BLK: variants seen among roughly 807,000 people sequenced by gnomAD.
BLK encodes the protein BLK proto-oncogene, Src family tyrosine kinase, also known as tyrosine-protein kinase Blk.
In BLK, 64 loss-of-function variants were observed where a neutral mutation model predicts 61.8. The observed-to-expected ratio is 1.03, with a 90% CI of 0.85 to 1.27. The LOEUF (loss-of-function observed/expected upper bound fraction) is 1.27. Ranked by LOEUF, BLK falls within the 50% of genes most tolerant of loss-of-function variation. The pLI is 0.00. For missense variants in BLK, 853 were observed against 660.5 expected, an observed-to-expected ratio of 1.29 and a Z score of -3.19; for synonymous variants, 351 against 272.0, an observed-to-expected ratio of 1.29 and a Z score of -2.86.
chr8:11,517,145 G>A (rs965076852), intron 1 of BLK, among the ~76,000 whole-genome samples: 1 of 152,178 alleles, frequency 6.6e-6, no homozygotes, highest in African/African-American at 2.4e-5. Context: ...GAAGAGGAGA[G>A]CAGGGAGGAG....
intron 1 of BLK, among the ~76,000 whole-genome samples, chr8:11,505,757 T>C (rs2280804): frequency 0.16 from 24,555 of 152,126 alleles, 2,935 homozygotes; most frequent in African/African-American, 0.34. Flanking sequence ...AAGTCTCCCA[T>C]TGAGGCCTCC....
chr8:11,553,590 GGA>G (rs1401454973), intron 6 of BLK: 7 of 209,548 alleles, frequency 3.3e-5, no homozygotes, highest in Non-Finnish European at 6.9e-5. Context: ...CCTACAAAAT[GGA>G]GAGAAAAGCC....
At chr8:11,532,325 A>G (rs1183255377) in intron 1 of BLK, among the ~76,000 whole-genome samples, 1 of 150,704 alleles carries the variant, frequency 6.6e-6, no homozygotes, top group African/African-American at 2.4e-5. Context: ...CAGGCTCCCA[A>G]GTAGCTAGGA....
In BLK at chr8:11,522,151, G is replaced by T. The variant is rs538524777; in HGVS notation, c.-1-21073G>T. 2.4e-4 allele frequency among the ~76,000 whole-genome samples: 37 copies of T among 152,016 alleles called. No individual in the cohort carries two copies. In the South Asian group the frequency reaches 4.2e-3, roughly 17 times the overall value. On this transcript the variant is annotated intron_variant, in intron 1 of 12. Transcript: ENST00000259089. ...ACATATTTTATTAGGTCCATTTCTAGGTAAATTATGTGTTTAGTTGGCATT... is the reference window on the plus strand; with the variant it reads ...ACATATTTTATTAGGTCCATTTCTATGTAAATTATGTGTTTAGTTGGCATT...
chr8:11,520,363 G>C (rs1799394737), intron 1 of BLK, among the ~76,000 whole-genome samples: 1 of 151,048 alleles, frequency 6.6e-6, no homozygotes, highest in South Asian at 2.1e-4. Context: ...TGTAGTCCCA[G>C]CTACTTGGGA....
intron 1 of BLK, among the ~76,000 whole-genome samples, chr8:11,535,291 AGAAAG>A (rs1400249053): frequency 1.4e-5 from 2 of 145,362 alleles, no homozygotes; most frequent in Admixed American, 1.4e-4. Context: ...AAAGAAAGAA[AGAAAG>A]AAAGAAAGAA....
chr8:11,508,730 C>A (rs1252972180), intron 1 of BLK, among the ~76,000 whole-genome samples: 2 of 152,226 alleles, frequency 1.3e-5, no homozygotes, highest in East Asian at 3.8e-4. Context: ...AATAAGACAG[C>A]CACTGTAGTG....
chr8:11,564,436 C>A lies in BLK; in HGVS notation c.*328C>A, dbSNP rs1233004300. On this transcript the variant is annotated 3_prime_UTR_variant, in exon 13 of 13. Coordinates refer to ENST00000259089, the MANE Select transcript of BLK (RefSeq NM_001715.3). ...TCAAGTAAGGCCCCCGTGCTGGGCA[C>A]CCCCCGTGCTGGCCGCGTCCCCGCC... 3.5e-6 allele frequency: 2 copies of A among 576,090 alleles called. No individual in the cohort carries two copies. Among genetic ancestry groups the A allele is most frequent in the Non-Finnish European group, 6.6e-6 (2 of 303,772 alleles). 35.7% of individuals were successfully genotyped at this position (576,090 alleles called of 1,614,324 possible). A position where few individuals can be genotyped will look rare whatever the true frequency, so the allele number is the denominator to read the frequency against.
At chr8:11,508,171 C>A (rs1017035180) in intron 1 of BLK, among the ~76,000 whole-genome samples, 6 of 152,220 alleles carry the variant, frequency 3.9e-5, no homozygotes, top group African/African-American at 1.4e-4. Context: ...TGCTCTGAAC[C>A]CTCCATCTGT....
intron 1 of BLK, among the ~76,000 whole-genome samples, chr8:11,523,831 A>T (rs1467467875): frequency 1.0e-5 from 1 of 97,698 alleles, no homozygotes; most frequent in Non-Finnish European, 2.0e-5. Flanking sequence ...GAGCAGATTG[A>T]CAGAGTTGTT....
chr8:11,551,504 C>G (rs1231362869), intron 6 of BLK, among the ~76,000 whole-genome samples: 1 of 152,202 alleles, frequency 6.6e-6, no homozygotes, highest in Non-Finnish European at 1.5e-5. Context: ...CATATAGCCA[C>G]ATTCTCAGGA....
chr8:11,520,206 G>A (rs575267622), intron 1 of BLK, among the ~76,000 whole-genome samples: 3 of 152,216 alleles, frequency 2.0e-5, no homozygotes, highest in South Asian at 2.1e-4. Context: ...GCCAGGCACG[G>A]TGGCTCACAA....
chr8:11,509,900 G>A (rs1427464497), intron 1 of BLK: 1 of 152,124 alleles, frequency 6.6e-6, no homozygotes, highest in Non-Finnish European at 1.5e-5. Context: ...TAGCACCTTA[G>A]ATTCTTCTCT....
At chr8:11,520,393 C>G (rs995739694) in intron 1 of BLK, among the ~76,000 whole-genome samples, 1 of 141,114 alleles carries the variant, frequency 7.1e-6, no homozygotes, top group Middle Eastern at 3.4e-3. Flanking sequence ...GGGAGGATCA[C>G]TTGTGCCCAG....
At chr8:11,528,784 GATTAT>G in intron 1 of BLK, among the ~76,000 whole-genome samples, 1 of 152,328 alleles carries the variant, frequency 6.6e-6, no homozygotes, top group East Asian at 1.9e-4. Flanking sequence ...AAAGGAACGA[GATTAT>G]GTCCTTTGCA....
intron 2 of BLK, 178 bp from the exon 3 acceptor site, chr8:11,545,874 A>T: frequency 1.4e-6 from 1 of 736,842 alleles, no homozygotes. Flanking sequence ...GGTCTGTCTG[A>T]GGGTAGTGCT....
chr8:11,561,187 C>T, intron 10 of BLK, 115 bp from the exon 11 acceptor site: 1 of 1,436,192 alleles, frequency 7.0e-7, no homozygotes, highest in Non-Finnish European at 9.6e-7. Context: ...CTACTCCATC[C>T]AAGAAACAGC....
At chr8:11,557,233 G>C (rs1463385159) in intron 9 of BLK, among the ~76,000 whole-genome samples, 1 of 152,178 alleles carries the variant, frequency 6.6e-6, no homozygotes, top group Non-Finnish European at 1.5e-5. Context: ...ACAACTGTGT[G>C]AATATTTTAC....
Position 11,547,792 on chromosome 8 carries a change from C to T in BLK, c.176-240C>T, listed in dbSNP as rs550768277. On this transcript the variant is annotated intron_variant, in intron 3 of 12. Transcript: ENST00000259089. ...CTCTGGCCATCAGCTTCCTCACACA[C>T]GCCTTGTCCAGGTCATAGGGCTTCT... is the stretch of plus-strand genomic sequence containing the variant. 2.2e-3 allele frequency among the ~76,000 whole-genome samples: 331 copies of T among 152,304 alleles called. 2 individuals carry two copies. Among genetic ancestry groups the T allele is most frequent in the African/African-American group, 7.7e-3 (320 of 41,580 alleles).
Sources: gnomAD v4.1 joint callset for allele counts (sites outside exome capture counted in the v4.1 genomes callset) on GRCh38, gnomAD v4.1.1 for gene constraint, MANE v1.5 for transcripts, NCBI Gene and HGNC (gene_info 2026-07-23, HGNC 2026-07-21) for gene names.